The following GPC5 variants were observed in gnomAD, a reference collection of about 807,000 sequenced individuals.
The protein encoded by GPC5 is glypican 5, also known as glypican-5.
GPC5 carries 47 observed loss-of-function variants against 53.9 expected under a neutral mutation model. The ratio of observed to expected loss-of-function variants is 0.87; its 90% CI spans 0.69 to 1.11. GPC5 has a LOEUF of 1.11. GPC5 is among the 50% of genes most tolerant of loss of function. The pLI is 0.00. For synonymous variants in GPC5, 286 were observed against 263.3 expected, an observed-to-expected ratio of 1.09 and a Z score of -0.84; for missense variants, 748 against 713.1, an observed-to-expected ratio of 1.05 and a Z score of -0.56.
intron 7 of GPC5, among the ~76,000 whole-genome samples, chr13:92,813,376 C>T (rs892385540): frequency 2.6e-5 from 4 of 151,864 alleles, no homozygotes; most frequent in Non-Finnish European, 5.9e-5. Flanking sequence ...TAAATAAAAA[C>T]GTAGTTCTTA....
chr13:91,568,748 T>C (rs937648458), intron 2 of GPC5, among the ~76,000 whole-genome samples: 1 of 151,174 alleles, frequency 6.6e-6, no homozygotes, highest in African/African-American at 2.4e-5. Flanking sequence ...TTATTTCTTT[T>C]TCTTTCTTTC....
chr13:92,213,144 G>T lies in GPC5; in HGVS notation c.1561+68155G>T, dbSNP rs562867762. ...CAAAGCTCAGGTTTCTCAGACAAAT[G>T]ATCAAATAGTTGATTTGATTGCCCT... On this transcript the variant is annotated intron_variant, in intron 7 of 7. Coordinates refer to ENST00000377067, the MANE Select transcript of GPC5 (RefSeq NM_004466.6). Among the ~76,000 whole-genome samples the T allele has an allele frequency of 3.3e-4, 50 of 152,288 alleles. 1 individual carries two copies. The South Asian group carries it at 9.8e-3, about 30-fold the overall frequency.
At chr13:92,520,363 C>T (rs1020339739) in intron 7 of GPC5, among the ~76,000 whole-genome samples, 10 of 152,038 alleles carry the variant, frequency 6.6e-5, no homozygotes, top group South Asian at 6.2e-4. Context: ...TGATGAACAT[C>T]GATGCAAAAA....
chr13:92,043,726 C>A (rs973511876), intron 6 of GPC5, among the ~76,000 whole-genome samples: 1 of 152,098 alleles, frequency 6.6e-6, no homozygotes, highest in Non-Finnish European at 1.5e-5. Flanking sequence ...ATTTAGGGAG[C>A]TAAGAATATC....
At chr13:91,757,587 G>T (rs2037322529) in intron 5 of GPC5, among the ~76,000 whole-genome samples, 1 of 152,074 alleles carries the variant, frequency 6.6e-6, no homozygotes, top group South Asian at 2.1e-4. Context: ...CTTCCCCTTT[G>T]CTGTGCACAT....
At chr13:91,464,431 A>G (rs938829371) in intron 2 of GPC5, among the ~76,000 whole-genome samples, 4 of 152,272 alleles carry the variant, frequency 2.6e-5, no homozygotes, top group South Asian at 2.1e-4. Flanking sequence ...ACGAATGTTC[A>G]TAGCAGCTTT....
At chr13:92,194,191 C>A (rs2139051642) in intron 7 of GPC5, among the ~76,000 whole-genome samples, 1 of 152,280 alleles carries the variant, frequency 6.6e-6, no homozygotes, top group Non-Finnish European at 1.5e-5. Context: ...CATTTTACAA[C>A]TAAAACAAAA....
intron 7 of GPC5, among the ~76,000 whole-genome samples, chr13:92,189,701 G>A (rs1196278368): frequency 6.6e-6 from 1 of 151,954 alleles, no homozygotes; most frequent in Admixed American, 6.6e-5. Flanking sequence ...TTAAAGCTAT[G>A]ATTAATATGC....
chr13:92,172,986 A>T (rs1457857613), intron 7 of GPC5, among the ~76,000 whole-genome samples: 1 of 91,336 alleles, frequency 1.1e-5, no homozygotes, highest in Non-Finnish European at 2.7e-5. Flanking sequence ...GAAACGTTGC[A>T]ACAGTCAAAC....
chr13:91,517,331 G>T (rs913437055), intron 2 of GPC5, among the ~76,000 whole-genome samples: 1 of 152,140 alleles, frequency 6.6e-6, no homozygotes, highest in African/African-American at 2.4e-5. Context: ...CACGCAAAGT[G>T]AATCATCTCT....
intron 7 of GPC5, among the ~76,000 whole-genome samples, chr13:92,718,015 A>C (rs976038825): frequency 2.6e-5 from 4 of 152,210 alleles, no homozygotes; most frequent in African/African-American, 9.6e-5. Flanking sequence ...ATCTCACCCC[A>C]GTTAAAATGG....
chr13:91,692,075 C>A (rs1217207079), intron 2 of GPC5, among the ~76,000 whole-genome samples: 1 of 152,070 alleles, frequency 6.6e-6, no homozygotes, highest in Admixed American at 6.6e-5. Context: ...TTCCAACTTT[C>A]TATTTTTAGA....
intron 7 of GPC5, among the ~76,000 whole-genome samples, chr13:92,700,355 C>A (rs189289673): frequency 6.7e-6 from 1 of 149,346 alleles, no homozygotes; most frequent in South Asian, 2.1e-4. Flanking sequence ...AGATGGGTCT[C>A]CTGCATACAG....
chr13:91,971,708 T>C (rs904099173), intron 6 of GPC5, among the ~76,000 whole-genome samples: 1 of 152,222 alleles, frequency 6.6e-6, no homozygotes, highest in Non-Finnish European at 1.5e-5. Flanking sequence ...TATTTCTGCC[T>C]TCATTTCGTT....
Position 92,275,043 on chromosome 13 carries a change from CATAAG to C in GPC5, c.1561+130059_1561+130063del, listed in dbSNP as rs201693218. On this transcript the variant is annotated intron_variant, in intron 7 of 7. Coordinates refer to ENST00000377067, the MANE Select transcript of GPC5 (RefSeq NM_004466.6). ...TATGCAGAAAATCCCTTCCCTTGAG[CATAAG>C]ATAATAGATGAATTTGCTTCACTTT... Among the ~76,000 whole-genome samples, 963 of 152,168 alleles carry C rather than the reference CATAAG, an allele frequency of 6.3e-3. 8 individuals are homozygous for C. Among genetic ancestry groups the C allele is most frequent in the African/African-American group, 0.018 (756 of 41,518 alleles).
At chr13:91,845,563 A>T (rs1479417228) in intron 5 of GPC5, among the ~76,000 whole-genome samples, 4 of 152,184 alleles carry the variant, frequency 2.6e-5, no homozygotes, top group African/African-American at 9.6e-5. Context: ...ACAGTTATTT[A>T]GTCATTTAAC....
At chr13:92,356,769 T>C (rs1162130011) in intron 7 of GPC5, among the ~76,000 whole-genome samples, 1 of 152,200 alleles carries the variant, frequency 6.6e-6, no homozygotes, top group Non-Finnish European at 1.5e-5. Context: ...AACTTGTAGA[T>C]AAACTTCACA....
At chr13:92,358,204 G>A (rs919952610) in intron 7 of GPC5, among the ~76,000 whole-genome samples, 2 of 151,762 alleles carry the variant, frequency 1.3e-5, no homozygotes, top group African/African-American at 4.9e-5. Context: ...ACCCAGCATG[G>A]CAGTCAACTA....
intron 7 of GPC5, among the ~76,000 whole-genome samples, chr13:92,648,095 A>G (rs1183170009): frequency 2.6e-5 from 4 of 152,082 alleles, no homozygotes; most frequent in African/African-American, 9.7e-5. Flanking sequence ...AATCACTAAT[A>G]ATCTAAAATA....
Sources: gnomAD v4.1 joint callset for allele counts (sites outside exome capture counted in the v4.1 genomes callset) on GRCh38, gnomAD v4.1.1 for gene constraint, MANE v1.5 for transcripts, NCBI Gene and HGNC (gene_info 2026-07-23, HGNC 2026-07-21) for gene names.